The following SLC4A10 variants were observed in gnomAD, a reference collection of about 807,000 sequenced individuals.
The protein encoded by SLC4A10 is solute carrier family 4 member 10.
In SLC4A10, 42 loss-of-function variants were observed where a neutral mutation model predicts 137.7. The ratio of observed to expected loss-of-function variants is 0.30; its 90% CI spans 0.24 to 0.39. The LOEUF (loss-of-function observed/expected upper bound fraction) is 0.39, where lower values mean the gene tolerates loss of function less well. Ranked by LOEUF, SLC4A10 falls within the 10% of genes least tolerant of loss-of-function variation. The pLI is 1.00. For synonymous variants in SLC4A10, 474 were observed against 464.1 expected, an observed-to-expected ratio of 1.02 and a Z score of -0.27; for missense variants, 925 against 1,355.0, an observed-to-expected ratio of 0.68 and a Z score of 4.98.
chr2:161,855,640 A>G (rs1308215664), intron 5 of SLC4A10, among the ~76,000 whole-genome samples: 2 of 152,104 alleles, frequency 1.3e-5, no homozygotes. Flanking sequence ...AAACTGATGA[A>G]TGATTAGTAT....
intron 15 of SLC4A10, among the ~76,000 whole-genome samples, chr2:161,920,523 G>T (rs548460771): frequency 6.6e-6 from 1 of 152,216 alleles, no homozygotes; most frequent in African/African-American, 2.4e-5. Flanking sequence ...CACCTTGTTG[G>T]TGAAGGAAAC....
At chr2:161,772,409 A>T (rs143861936) in intron 2 of SLC4A10, among the ~76,000 whole-genome samples, 29 of 152,038 alleles carry the variant, frequency 1.9e-4, no homozygotes, top group African/African-American at 6.7e-4. Flanking sequence ...AGAAAAAATC[A>T]TCTTGATTTT....
intron 1 of SLC4A10, among the ~76,000 whole-genome samples, chr2:161,748,363 A>T (rs564189753): frequency 1.6e-3 from 242 of 151,096 alleles, no homozygotes; most frequent in African/African-American, 5.6e-3. Context: ...TGTCAAGGAG[A>T]TTTTCCTCTT....
intron 15 of SLC4A10, among the ~76,000 whole-genome samples, chr2:161,930,325 C>T (rs957536196): frequency 6.6e-6 from 1 of 151,616 alleles, no homozygotes; most frequent in African/African-American, 2.4e-5. Context: ...TCCTACCACT[C>T]AAAGGAGTGA....
chr2:161,765,472 T>A (rs2050702938), intron 1 of SLC4A10, among the ~76,000 whole-genome samples: 1 of 151,834 alleles, frequency 6.6e-6, no homozygotes. Flanking sequence ...CCGGGCATGG[T>A]GGTGCATGCC....
At chr2:161,968,093 A>T (rs901319432) in intron 23 of SLC4A10, among the ~76,000 whole-genome samples, 83 of 152,260 alleles carry the variant, frequency 5.5e-4, no homozygotes, top group African/African-American at 1.9e-3. Flanking sequence ...ATGAAAAATG[A>T]TATGTAATCT....
chr2:161,949,715 A>C, intron 18 of SLC4A10, among the ~76,000 whole-genome samples: 1 of 149,174 alleles, frequency 6.7e-6, no homozygotes, highest in East Asian at 2.0e-4. Context: ...TTCAGAGTTC[A>C]TTTTTTTTTC....
intron 4 of SLC4A10, among the ~76,000 whole-genome samples, chr2:161,853,571 G>A (rs1475662544): frequency 2.0e-5 from 3 of 152,164 alleles, no homozygotes; most frequent in Non-Finnish European, 4.4e-5. Context: ...GACATGATAT[G>A]ACCATCACAT....
intron 1 of SLC4A10, among the ~76,000 whole-genome samples, chr2:161,738,432 G>A (rs965264889): frequency 7.2e-5 from 11 of 152,180 alleles, no homozygotes; most frequent in African/African-American, 2.7e-4. Context: ...AACAGAAAAT[G>A]TTGCTCAGAA....
At chr2:161,967,010 G>A (rs1013955861) in intron 23 of SLC4A10, among the ~76,000 whole-genome samples, 2 of 152,302 alleles carry the variant, frequency 1.3e-5, no homozygotes, top group South Asian at 4.1e-4. Context: ...GCTCTTGGCT[G>A]TGAGCTTGCC....
intron 4 of SLC4A10, among the ~76,000 whole-genome samples, chr2:161,842,561 A>G (rs986435086): frequency 6.6e-6 from 1 of 152,060 alleles, no homozygotes; most frequent in Non-Finnish European, 1.5e-5. Context: ...AATTGGTGGC[A>G]TGTTATTCAG....
intron 1 of SLC4A10, among the ~76,000 whole-genome samples, chr2:161,702,927 A>G (rs1001868060): frequency 6.6e-6 from 1 of 151,806 alleles, no homozygotes. Flanking sequence ...TGGTTTAATT[A>G]TAGTTAATTT....
chr2:161,838,671 T>C (rs1281223556), intron 3 of SLC4A10, among the ~76,000 whole-genome samples: 1 of 152,188 alleles, frequency 6.6e-6, no homozygotes, highest in Non-Finnish European at 1.5e-5. Context: ...CAAAATGTTT[T>C]CATAAACACT....
chr2:161,770,165 G>A (rs1295778787), intron 1 of SLC4A10, among the ~76,000 whole-genome samples: 1 of 151,608 alleles, frequency 6.6e-6, no homozygotes, highest in East Asian at 1.9e-4. Context: ...TTTTATAGAG[G>A]TGTGCACAGC....
intron 2 of SLC4A10, among the ~76,000 whole-genome samples, chr2:161,791,527 A>G (rs1211147313): frequency 2.0e-5 from 3 of 152,160 alleles, no homozygotes; most frequent in Non-Finnish European, 4.4e-5. Flanking sequence ...TCTGGGCTTA[A>G]TACCTAGATG....
At chr2:161,710,702 G>T (rs537951020) in intron 1 of SLC4A10, 1 of 455,446 alleles carries the variant, frequency 2.2e-6, no homozygotes, top group Non-Finnish European at 4.4e-6. Context: ...GGCTGCCTTC[G>T]TTTATACTAT....
At chr2:161,948,258 G>A (rs751435800) in intron 17 of SLC4A10, among the ~76,000 whole-genome samples, 1 of 151,404 alleles carries the variant, frequency 6.6e-6, no homozygotes, top group East Asian at 1.9e-4. Flanking sequence ...GTCTGATTCC[G>A]CCAAAAAAAA....
At chr2:161,768,377 C>T (rs535516202) in intron 1 of SLC4A10, among the ~76,000 whole-genome samples, 58 of 152,034 alleles carry the variant, frequency 3.8e-4, no homozygotes, top group African/African-American at 1.3e-3. Context: ...TCCCCAAAGT[C>T]CGATTATTTT....
intron 15 of SLC4A10, among the ~76,000 whole-genome samples, chr2:161,917,576 TA>T (rs774860851): frequency 0.051 from 5,278 of 102,828 alleles, 148 homozygotes; most frequent in East Asian, 0.15. Context: ...AGACCCTGTC[TA>T]AAAAAAAAAA....
Sources: gnomAD v4.1 joint callset for allele counts (sites outside exome capture counted in the v4.1 genomes callset) on GRCh38, gnomAD v4.1.1 for gene constraint, MANE v1.5 for transcripts, NCBI Gene and HGNC (gene_info 2026-07-23, HGNC 2026-07-21) for gene names.